The following RIT2 variants were observed in gnomAD, a reference collection of about 807,000 sequenced individuals.
The protein encoded by RIT2 is Ras like without CAAX 2, also known as GTP-binding protein Rit2.
A neutral mutation model predicts 23.7 loss-of-function variants in RIT2; 24 were observed. That is an observed-to-expected ratio of 1.01 (90% confidence interval 0.73 to 1.43). RIT2 has a LOEUF of 1.43. RIT2 is among the 40% of genes most tolerant of loss of function. The pLI, the probability that RIT2 is intolerant of heterozygous loss-of-function variation, is 0.00. For missense variants in RIT2, 236 were observed against 266.9 expected (o/e 0.88, Z 0.81); for synonymous variants, 107 against 91.1 (o/e 1.17, Z -0.99).
At chr18:42,961,366 C>T (rs1041315299) in intron 3 of RIT2, among the ~76,000 whole-genome samples, 8 of 152,164 alleles carry the variant, frequency 5.3e-5, no homozygotes, top group South Asian at 4.1e-4. Flanking sequence ...CAAAGCTGGA[C>T]AACTTATTGC....
intron 4 of RIT2, among the ~76,000 whole-genome samples, chr18:42,867,064 G>A (rs943346739): frequency 2.6e-5 from 4 of 152,168 alleles, no homozygotes; most frequent in Non-Finnish European, 5.9e-5. Context: ...ATTCTTTACT[G>A]TTCCTCATAA....
At chr18:43,091,755 C>A (rs147524101) in intron 1 of RIT2, among the ~76,000 whole-genome samples, 1,572 of 152,086 alleles carry the variant, frequency 0.01, 19 homozygotes, top group Non-Finnish European at 0.015. Flanking sequence ...TTGGATTATG[C>A]GTTATTTAGG....
chr18:42,833,634 C>T (rs975634430), intron 4 of RIT2, among the ~76,000 whole-genome samples: 1 of 152,090 alleles, frequency 6.6e-6, no homozygotes. Context: ...TTCAAAGTTA[C>T]AGATGGACTC....
At chr18:43,057,966 G>A (rs1442814370) in intron 1 of RIT2, among the ~76,000 whole-genome samples, 1 of 152,050 alleles carries the variant, frequency 6.6e-6, no homozygotes, top group Non-Finnish European at 1.5e-5. Context: ...ATGAGAAGAG[G>A]CACCATAGAG....
At chr18:42,891,504 C>A (rs1908174468) in intron 4 of RIT2, among the ~76,000 whole-genome samples, 1 of 152,068 alleles carries the variant, frequency 6.6e-6, no homozygotes, top group Non-Finnish European at 1.5e-5. Context: ...TGATGTCCTG[C>A]AGTAGGTAAA....
chr18:42,931,744 C>T (rs1909331478), intron 3 of RIT2, among the ~76,000 whole-genome samples: 1 of 152,114 alleles, frequency 6.6e-6, no homozygotes, highest in Non-Finnish European at 1.5e-5. Context: ...AAGAAGCCAG[C>T]ATAACTGTGT....
intron 1 of RIT2, among the ~76,000 whole-genome samples, chr18:43,045,646 T>C (rs1325566481): frequency 6.6e-6 from 1 of 152,166 alleles, no homozygotes; most frequent in Non-Finnish European, 1.5e-5. Context: ...TGAGAAGAGA[T>C]CATAGAATAG....
chr18:42,967,530 C>T (rs917894904), intron 3 of RIT2, among the ~76,000 whole-genome samples: 10 of 140,602 alleles, frequency 7.1e-5, no homozygotes, highest in Admixed American at 2.9e-4. Flanking sequence ...CCACCACGCC[C>T]GGCTAATTTT....
intron 4 of RIT2, among the ~76,000 whole-genome samples, chr18:42,822,222 G>A (rs1046052481): frequency 6.6e-6 from 1 of 152,066 alleles, no homozygotes; most frequent in Non-Finnish European, 1.5e-5. Context: ...TCCAATTAGA[G>A]AATAAGCAGT....
intron 1 of RIT2, among the ~76,000 whole-genome samples, chr18:43,051,643 T>G (rs964217751): frequency 1.3e-5 from 2 of 152,134 alleles, no homozygotes; most frequent in Non-Finnish European, 2.9e-5. Context: ...TATGAAAAAC[T>G]TTTTTAGTGT....
At chr18:43,044,100 TC>T (rs1912191900) in intron 1 of RIT2, among the ~76,000 whole-genome samples, 1 of 152,212 alleles carries the variant, frequency 6.6e-6, no homozygotes, top group Non-Finnish European at 1.5e-5. Flanking sequence ...AGTGATAGGA[TC>T]TTTTTAAAGT....
chr18:43,101,482 G>A (rs1344186293), intron 1 of RIT2, among the ~76,000 whole-genome samples: 1 of 152,112 alleles, frequency 6.6e-6, no homozygotes. Context: ...CCATGTGACT[G>A]GATAAAATAC....
chr18:42,817,943 C>T (rs1207570691), intron 4 of RIT2, among the ~76,000 whole-genome samples: 1 of 151,658 alleles, frequency 6.6e-6, no homozygotes, highest in Non-Finnish European at 1.5e-5. Context: ...TTATTTTGTG[C>T]TATATTTTCT....
chr18:42,822,263 T>C (rs1414180037), intron 4 of RIT2, among the ~76,000 whole-genome samples: 2 of 152,162 alleles, frequency 1.3e-5, no homozygotes, highest in Non-Finnish European at 2.9e-5. Context: ...CTATTCCTTT[T>C]AAAGCTTCTA....
chr18:43,103,606 A>G (rs901788333), intron 1 of RIT2, among the ~76,000 whole-genome samples: 1 of 152,238 alleles, frequency 6.6e-6, no homozygotes, highest in Non-Finnish European at 1.5e-5. Context: ...TTAAAGAGCA[A>G]GAAGTATTTG....
At chr18:42,772,572 A>G (rs986917203) in intron 4 of RIT2, among the ~76,000 whole-genome samples, 1 of 152,146 alleles carries the variant, frequency 6.6e-6, no homozygotes, top group African/African-American at 2.4e-5. Context: ...CCTGGCAAAG[A>G]CCTACTAAAA....
intron 3 of RIT2, among the ~76,000 whole-genome samples, chr18:42,953,195 A>T (rs1438382924): frequency 6.6e-6 from 1 of 152,118 alleles, no homozygotes; most frequent in African/African-American, 2.4e-5. Flanking sequence ...TCATTTTAAT[A>T]TGTTTTAAAA....
rs561257281 is a variant in RIT2 at position 42,992,582 on chromosome 18, T to A, written c.161-18435A>T. ...ATGTCCCAATTCTTTCTCAGCCTCC[T>A]CCGATCCTCCACCCTATAATCCTTT... On this transcript the variant is annotated intron_variant, in intron 2 of 4. Transcript: ENST00000326695. Among the ~76,000 whole-genome samples the A allele has an allele frequency of 4.6e-5, 7 of 152,170 alleles. No homozygotes were observed. In the East Asian group the frequency reaches 1.4e-3, roughly 30 times the overall value.
At position 42,743,400 on chromosome 18, in the gene RIT2, C is replaced by A; in HGVS notation, c.*93G>T. On this transcript the variant is annotated 3_prime_UTR_variant, in exon 5 of 5. Coordinates refer to ENST00000326695, the MANE Select transcript of RIT2 (RefSeq NM_002930.4). ...AGGCAGATATTTAAAGAGAGAGAGA[C>A]ACATAGAGAGATAATATTGAAGCAG... 1.1e-6 allele frequency: 1 copy of A among 889,836 alleles called. No homozygotes were observed. The highest frequency in any genetic ancestry group is 1.5e-5 in the South Asian group (1 of 66,452). 55.1% of individuals were successfully genotyped at this position (889,836 alleles called of 1,614,324 possible).
Sources: gnomAD v4.1 joint callset for allele counts (sites outside exome capture counted in the v4.1 genomes callset) on GRCh38, gnomAD v4.1.1 for gene constraint, MANE v1.5 for transcripts, NCBI Gene and HGNC (gene_info 2026-07-23, HGNC 2026-07-21) for gene names.